Variants in MTMR7 observed in about 807,000 individuals in gnomAD.
MTMR7 encodes the protein phosphatidylinositol-3-phosphate phosphatase MTMR7.
Under a neutral mutation model 81.2 loss-of-function variants are expected in MTMR7, and 76 were observed. The ratio of observed to expected loss-of-function variants is 0.94; its 90% CI spans 0.78 to 1.13. The LOEUF is 1.13. MTMR7 is among the 50% of genes most tolerant of loss of function. The probability of loss-of-function intolerance (pLI) is 0.00; values close to 1 mark genes in which losing one functional copy is unlikely to be tolerated. For synonymous variants in MTMR7, 372 were observed against 289.8 expected (o/e 1.28, Z -2.88); for missense variants, 1,044 against 820.0 (o/e 1.27, Z -3.34).
chr8:17,379,772 T>C (rs902001068), intron 1 of MTMR7, among the ~76,000 whole-genome samples: 1 of 152,196 alleles, frequency 6.6e-6, no homozygotes, highest in Non-Finnish European at 1.5e-5. Flanking sequence ...TAAGTGTTTT[T>C]GGGGTTTTTT....
intron 1 of MTMR7, among the ~76,000 whole-genome samples, chr8:17,375,547 C>G (rs952954543): frequency 1.3e-5 from 2 of 148,610 alleles, no homozygotes; most frequent in African/African-American, 2.5e-5. Flanking sequence ...GTATGGTTAT[C>G]CATCATGGTG....
chr8:17,399,584 C>G (rs1337730036), intron 1 of MTMR7, among the ~76,000 whole-genome samples: 1 of 152,064 alleles, frequency 6.6e-6, no homozygotes, highest in Non-Finnish European at 1.5e-5. Flanking sequence ...AATACAATCC[C>G]TATCAAAATG....
rs1311179355 is a variant in MTMR7 at position 17,297,805 on chromosome 8, A to C, written c.*2057T>G. On this transcript the variant is annotated 3_prime_UTR_variant, in exon 14 of 14. Transcript: ENST00000180173. ...AAAGTACAGTAAAGTTTTAATAAGCAATAAATGTAACCTTTTATATAAATC... is the reference window on the plus strand; with the variant it reads ...AAAGTACAGTAAAGTTTTAATAAGCCATAAATGTAACCTTTTATATAAATC... The C allele has an allele frequency of 2.0e-5, 3 of 151,904 alleles. No individual in the cohort carries two copies. Among genetic ancestry groups the C allele is most frequent in the Admixed American group, 1.3e-4 (2 of 15,222 alleles). 9.4% of individuals were successfully genotyped at this position (151,904 alleles called of 1,614,324 possible). A position where few individuals can be genotyped will look rare whatever the true frequency, so the allele number is the denominator to read the frequency against.
At chr8:17,406,992 G>C (rs1821604126) in intron 1 of MTMR7, among the ~76,000 whole-genome samples, 1 of 152,168 alleles carries the variant, frequency 6.6e-6, no homozygotes, top group South Asian at 2.1e-4. Context: ...AATGGGTATA[G>C]TGTTTCTCTT....
intron 7 of MTMR7, among the ~76,000 whole-genome samples, chr8:17,326,672 A>T (rs1818697181): frequency 1.3e-5 from 2 of 152,226 alleles, no homozygotes; most frequent in South Asian, 2.1e-4. Context: ...CCATGCTGTG[A>T]ACAGCCAACA....
In MTMR7 at chr8:17,298,082, C is replaced by T. The variant is rs548629732; in HGVS notation, c.*1780G>A. ...GTTTTTATAGACATACACTGTCAAACGGAAGAAATTAAAGCCACATCCTCA... is the reference window on the plus strand; with the variant it reads ...GTTTTTATAGACATACACTGTCAAATGGAAGAAATTAAAGCCACATCCTCA... On this transcript the variant is annotated 3_prime_UTR_variant, in exon 14 of 14. Transcript: ENST00000180173. 8.6e-5 allele frequency: 13 copies of T among 151,964 alleles called. No homozygotes were observed. The highest frequency in any genetic ancestry group is 3.9e-4 in the East Asian group (2 of 5,174). The allele number at this position is 151,964 out of a possible 1,614,324, so 9.4% of individuals were successfully genotyped here.
chr8:17,307,221 C>T (rs1563318093), intron 10 of MTMR7, among the ~76,000 whole-genome samples: 1 of 152,156 alleles, frequency 6.6e-6, no homozygotes, highest in African/African-American at 2.4e-5. Context: ...AAAAAGTGGG[C>T]AAAGGATATG....
chr8:17,303,804 C>T (rs1310479159), intron 12 of MTMR7, among the ~76,000 whole-genome samples: 5 of 151,986 alleles, frequency 3.3e-5, no homozygotes, highest in African/African-American at 4.8e-5. Flanking sequence ...GAGACTGGGT[C>T]TCCCCATGTT....
Position 17,317,455 on chromosome 8 carries a change from T to TA in MTMR7, c.866-4055dup, listed in dbSNP as rs567988796. Among the ~76,000 whole-genome samples the TA allele has an allele frequency of 2.1e-4, 32 of 152,330 alleles. No homozygotes were observed. The East Asian group carries it at 6.2e-3, about 29-fold the overall frequency. On this transcript the variant is annotated intron_variant, in intron 7 of 13. Transcript: ENST00000180173. Reference sequence around the variant, plus strand: ...ACCATGGGTCTCATTCTTCCATACTTACACTTTCACTTAACCCCTGTTTTT... The same window carrying TA: ...ACCATGGGTCTCATTCTTCCATACTTAACACTTTCACTTAACCCCTGTTTTT...
intron 1 of MTMR7, among the ~76,000 whole-genome samples, chr8:17,378,906 T>C (rs992331505): frequency 1.3e-5 from 2 of 152,112 alleles, no homozygotes; most frequent in Non-Finnish European, 2.9e-5. Context: ...ACATAAAAGA[T>C]AATAATTGAA....
In MTMR7 at chr8:17,386,132, T is replaced by C. The variant is rs540945556; in HGVS notation, c.25-12892A>G. 2.0e-5 allele frequency among the ~76,000 whole-genome samples: 3 copies of C among 152,230 alleles called. No homozygotes were observed. In the South Asian group the frequency reaches 6.2e-4, roughly 32 times the overall value. ...GGCTCACACTTGTAATCCCAGCACT[T>C]TGGGAGCCTGAGGCAGGAGGACTGC... On this transcript the variant is annotated intron_variant, in intron 1 of 13. Transcript: ENST00000180173.
intron 2 of MTMR7, among the ~76,000 whole-genome samples, chr8:17,371,851 GTTTTT>G (rs33920646): frequency 9.5e-6 from 1 of 104,832 alleles, no homozygotes; most frequent in African/African-American, 3.6e-5. Flanking sequence ...CTTACCTATA[GTTTTT>G]TTTTTTTTTT....
In MTMR7 at chr8:17,307,315, G is replaced by A. The variant is rs183085059; in HGVS notation, c.1152-1358C>T. On this transcript the variant is annotated intron_variant, in intron 10 of 13. Coordinates refer to ENST00000180173, the MANE Select transcript of MTMR7 (RefSeq NM_004686.5). ...CATCATCACTGGCCATCAGAGAAAT[G>A]CAAATCAAAACCACAATGATACACC... Among the ~76,000 whole-genome samples the A allele has an allele frequency of 2.8e-3, 430 of 152,302 alleles. 7 individuals carry two copies. The highest frequency in any genetic ancestry group is 3.6e-3 in the Admixed American group (55 of 15,302).
At position 17,296,811 on chromosome 8, in the gene MTMR7, TTTTATTC is replaced by T. The variant is rs1030365982; in HGVS notation, c.*3044_*3050del. On this transcript the variant is annotated 3_prime_UTR_variant, in exon 14 of 14. Coordinates refer to ENST00000180173, the MANE Select transcript of MTMR7 (RefSeq NM_004686.5). ...CACATGAGTAGTTCATCTCAGTGTT[TTTTATTC>T]TTTAAAGTTGAACTATCCCAGTTTC... 2.0e-5 allele frequency: 3 copies of T among 152,170 alleles called. No individual in the cohort carries two copies. Among genetic ancestry groups the T allele is most frequent in the African/African-American group, 7.2e-5 (3 of 41,458 alleles). 9.4% of individuals were successfully genotyped at this position (152,170 alleles called of 1,614,324 possible). A position where few individuals can be genotyped will look rare whatever the true frequency, so the allele number is the denominator to read the frequency against.
chr8:17,315,433 T>C (rs866303842), intron 7 of MTMR7, among the ~76,000 whole-genome samples: 4 of 152,048 alleles, frequency 2.6e-5, no homozygotes, highest in African/African-American at 9.7e-5. Flanking sequence ...ACCCACAGAA[T>C]GTCCAACAGC....
chr8:17,334,953 T>C (rs1006387467), intron 6 of MTMR7, among the ~76,000 whole-genome samples: 1 of 152,054 alleles, frequency 6.6e-6, no homozygotes, highest in Non-Finnish European at 1.5e-5. Flanking sequence ...CCACTCCAGG[T>C]GAAGACGAAG....
At chr8:17,368,934 C>T (rs1054902209) in intron 3 of MTMR7, among the ~76,000 whole-genome samples, 4 of 152,158 alleles carry the variant, frequency 2.6e-5, no homozygotes, top group Non-Finnish European at 5.9e-5. Context: ...TATCTCTTTT[C>T]GAAAATGAGG....
At chr8:17,311,887 T>C (rs1817800890) in intron 8 of MTMR7, 1 of 469,038 alleles carries the variant, frequency 2.1e-6, no homozygotes, top group African/African-American at 1.9e-5. Flanking sequence ...CGCATGTACT[T>C]ACTAAACATA....
At chr8:17,335,652 A>G (rs893760927) in intron 6 of MTMR7, among the ~76,000 whole-genome samples, 2 of 152,166 alleles carry the variant, frequency 1.3e-5, no homozygotes, top group African/African-American at 2.4e-5. Flanking sequence ...TCCCTCCTAT[A>G]TAACTGGTTA....
Sources: allele counts gnomAD v4.1 joint callset (sites outside exome capture counted in the v4.1 genomes callset), GRCh38; gene constraint gnomAD v4.1.1; transcripts MANE v1.5; gene names NCBI Gene and HGNC (gene_info 2026-07-23, HGNC 2026-07-21).